The following VTI1A variants were observed in gnomAD, a reference collection of about 807,000 sequenced individuals.
The protein encoded by VTI1A is vesicle transport through interaction with t-SNAREs homolog 1A.
VTI1A carries 22 observed loss-of-function variants against 34.9 expected under a neutral mutation model. That is an observed-to-expected ratio of 0.63 (90% CI 0.45 to 0.90). VTI1A has a LOEUF of 0.90. Among genes scored for constraint, VTI1A ranks in the 40% least tolerant of loss-of-function variants. The probability of loss-of-function intolerance (pLI) is 0.00; values close to 1 mark genes in which losing one functional copy is unlikely to be tolerated. For synonymous variants in VTI1A, 87 were observed against 97.3 expected, an observed-to-expected ratio of 0.89 and a Z score of 0.62; for missense variants, 268 against 275.6, an observed-to-expected ratio of 0.97 and a Z score of 0.20.
intron 5 of VTI1A, among the ~76,000 whole-genome samples, chr10:112,628,994 C>T (rs1846028840): frequency 6.6e-6 from 1 of 152,080 alleles, no homozygotes; most frequent in Admixed American, 6.5e-5. Context: ...AAAATAGACC[C>T]ATTACCTCTC....
chr10:112,718,075 C>G (rs555498890), intron 7 of VTI1A, among the ~76,000 whole-genome samples: 14 of 152,282 alleles, frequency 9.2e-5, no homozygotes, highest in African/African-American at 3.4e-4. Flanking sequence ...TGTACTGTCC[C>G]CATCAAGATG....
chr10:112,460,325 A>G (rs754035551), intron 1 of VTI1A, among the ~76,000 whole-genome samples, 199 bp from the exon 2 acceptor site: 2 of 152,188 alleles, frequency 1.3e-5, no homozygotes, highest in African/African-American at 4.8e-5. Context: ...TAGGTATTCT[A>G]TCAGATTATA....
the VTI1A span, among the ~76,000 whole-genome samples, chr10:112,844,571 G>T: frequency 6.6e-6 from 1 of 152,300 alleles, no homozygotes; most frequent in South Asian, 2.1e-4. Flanking sequence ...GCTAATTTTC[G>T]TATTTTTAGT....
At chr10:112,460,624 C>T (rs565630866) in intron 2 of VTI1A, 42 bp downstream of exon 2, 28 of 1,499,292 alleles carry the variant, frequency 1.9e-5, no homozygotes, top group Middle Eastern at 3.5e-4. Flanking sequence ...CAGCCAGAGC[C>T]GTTTAAGCTA....
intron 7 of VTI1A, among the ~76,000 whole-genome samples, chr10:112,723,863 G>A (rs192413377): frequency 1.8e-4 from 27 of 152,238 alleles, no homozygotes; most frequent in Non-Finnish European, 3.1e-4. Context: ...GGGCAAGAGC[G>A]GACATTATGT....
At chr10:112,822,343 A>C (rs1280404434), downstream of VTI1A, among the ~76,000 whole-genome samples, 2 of 152,220 alleles carry the variant, frequency 1.3e-5, no homozygotes, top group Admixed American at 6.5e-5. Flanking sequence ...GCAAAGGAGC[A>C]GTAATGGGTT....
intron 7 of VTI1A, among the ~76,000 whole-genome samples, chr10:112,688,727 C>G (rs542914845): frequency 6.6e-6 from 1 of 151,666 alleles, no homozygotes; most frequent in Non-Finnish European, 1.5e-5. Flanking sequence ...TTAGTAGAGA[C>G]GGGGTTTCAT....
At chr10:112,594,199 G>A (rs752572934) in intron 5 of VTI1A, among the ~76,000 whole-genome samples, 8 of 152,104 alleles carry the variant, frequency 5.3e-5, no homozygotes, top group Admixed American at 6.5e-5. Flanking sequence ...GAGCCACTGC[G>A]CCCGGCCGGT....
chr10:112,620,936 G>C (rs1293198064), intron 5 of VTI1A, among the ~76,000 whole-genome samples: 14 of 152,198 alleles, frequency 9.2e-5, no homozygotes, highest in Admixed American at 9.2e-4. Flanking sequence ...CGGCATTCCA[G>C]ACCGGGACTA....
chr10:112,454,286 T>C lies in VTI1A; in HGVS notation c.95-6238T>C, dbSNP rs192819421. 1.2e-4 allele frequency among the ~76,000 whole-genome samples: 18 copies of C among 152,324 alleles called. No homozygotes were observed. The East Asian group carries it at 3.3e-3, about 28-fold the overall frequency. On this transcript the variant is annotated intron_variant, in intron 1 of 7. Transcript: ENST00000393077. ...TGCTGATTAAGCACTTCTGTAAATA[T>C]CAAGAATTATACTATGCAAAGACTT... is the stretch of plus-strand genomic sequence containing the variant.
chr10:112,768,862 G>A (rs148210288), intron 7 of VTI1A, among the ~76,000 whole-genome samples: 3 of 152,248 alleles, frequency 2.0e-5, no homozygotes, highest in Non-Finnish European at 2.9e-5. Context: ...TGAAATATGC[G>A]TTTATGCAGA....
At chr10:112,799,293 G>A (rs962496397) in intron 7 of VTI1A, among the ~76,000 whole-genome samples, 12 of 152,156 alleles carry the variant, frequency 7.9e-5, no homozygotes, top group Admixed American at 1.3e-4. Context: ...GTCAGAGGTC[G>A]CAGACTGAAG....
chr10:112,637,404 C>G (rs1019253936), intron 5 of VTI1A, among the ~76,000 whole-genome samples: 2 of 152,194 alleles, frequency 1.3e-5, no homozygotes, highest in Non-Finnish European at 2.9e-5. Context: ...TGTGGTGGCT[C>G]ACGCCTGTAA....
At chr10:112,672,199 A>G (rs1485411994) in intron 7 of VTI1A, among the ~76,000 whole-genome samples, 1 of 152,204 alleles carries the variant, frequency 6.6e-6, no homozygotes, top group Admixed American at 6.5e-5. Flanking sequence ...AGAAAATGGT[A>G]TATGGAATCA....
chr10:112,755,780 G>A (rs990384465), intron 7 of VTI1A, among the ~76,000 whole-genome samples: 2 of 152,026 alleles, frequency 1.3e-5, no homozygotes, highest in Non-Finnish European at 2.9e-5. Context: ...TGTTAATTTC[G>A]TCTGGAGCCA....
intron 7 of VTI1A, among the ~76,000 whole-genome samples, chr10:112,809,656 C>G (rs1294274778): frequency 6.6e-6 from 1 of 152,238 alleles, no homozygotes; most frequent in Non-Finnish European, 1.5e-5. Flanking sequence ...TACAAGCAGT[C>G]CTTAGAAACC....
chr10:112,547,702 G>C (rs560368274), intron 5 of VTI1A, among the ~76,000 whole-genome samples: 1 of 152,174 alleles, frequency 6.6e-6, no homozygotes, highest in Admixed American at 6.5e-5. Context: ...ATGCTTATTT[G>C]ATCAAAATTT....
intron 5 of VTI1A, among the ~76,000 whole-genome samples, chr10:112,608,402 T>G (rs7893991): frequency 0.12 from 17,607 of 152,206 alleles, 1,184 homozygotes; most frequent in African/African-American, 0.16. Context: ...GCTGTATAAA[T>G]AATTTGCCAA....
chr10:112,787,409 C>A (rs1852319583), intron 7 of VTI1A, among the ~76,000 whole-genome samples: 1 of 152,036 alleles, frequency 6.6e-6, no homozygotes, highest in South Asian at 2.1e-4. Flanking sequence ...TCTGCTCTAA[C>A]CCTTACTCCT....
Sources: gnomAD v4.1 joint callset for allele counts (sites outside exome capture counted in the v4.1 genomes callset) on GRCh38, gnomAD v4.1.1 for gene constraint, MANE v1.5 for transcripts, NCBI Gene and HGNC (gene_info 2026-07-23, HGNC 2026-07-21) for gene names.